Variants in RGS22 observed in about 807,000 individuals in gnomAD.
The protein encoded by RGS22 is regulator of G protein signaling 22.
RGS22 carries 148 observed loss-of-function variants against 172.9 expected under a neutral mutation model. That is an observed-to-expected ratio of 0.86 (90% CI 0.75 to 0.98). RGS22 has a LOEUF of 0.98. Among genes scored for constraint, RGS22 ranks in the 50% least tolerant of loss-of-function variants. The pLI, the probability that RGS22 is intolerant of heterozygous loss-of-function variation, is 0.00. For missense variants in RGS22, 1,347 were observed against 1,440.8 expected (o/e 0.93, Z 1.05); for synonymous variants, 458 against 480.2 (o/e 0.95, Z 0.60).
At chr8:100,069,766 C>T (rs1401125324) in intron 6 of RGS22, among the ~76,000 whole-genome samples, 3 of 152,176 alleles carry the variant, frequency 2.0e-5, no homozygotes, top group East Asian at 1.9e-4. Context: ...TCTTCAGACA[C>T]GAGGATAATA....
chr8:100,071,400 A>C lies in RGS22; in HGVS notation c.563T>G (p.Ile188Ser), dbSNP rs1311432062. 6.2e-7 allele frequency: 1 copy of C among 1,610,822 alleles called. No homozygotes were observed. The highest frequency in any genetic ancestry group is 2.2e-5 in the East Asian group (1 of 44,750). The change falls in exon 6 of 28, where the codon ATT becomes AGT. Residue 188 changes from isoleucine to serine, a missense_variant. By Grantham distance (142) the Ile-to-Ser change is moderately radical. Transcript: ENST00000360863. ...AAGTGATACATAGAACTTTTTCATA[A>C]TTACAAGATTATCTTCTTCAGTGGC... is the stretch of plus-strand genomic sequence containing the variant. ...PPATEEDNLV[I>S]MKKFYVSLGE...
At chr8:100,092,370 A>G (rs142609485) in intron 3 of RGS22, among the ~76,000 whole-genome samples, 109 of 152,264 alleles carry the variant, frequency 7.2e-4, no homozygotes, top group Middle Eastern at 6.8e-3. Flanking sequence ...TGTGGTTTGA[A>G]TGTGTCCCCC....
At chr8:100,102,634 T>C (rs1430868867) in intron 2 of RGS22, among the ~76,000 whole-genome samples, 1 of 152,156 alleles carries the variant, frequency 6.6e-6, no homozygotes, top group Non-Finnish European at 1.5e-5. Context: ...AAAGGCTTCA[T>C]GGAGGAGATT....
chr8:100,094,054 C>T (rs1421477184), intron 2 of RGS22, among the ~76,000 whole-genome samples: 5 of 152,124 alleles, frequency 3.3e-5, no homozygotes, highest in African/African-American at 4.8e-5. Flanking sequence ...CACTTTTGCA[C>T]GAGGAAAGTT....
chr8:100,075,736 T>C (rs555664132), intron 4 of RGS22, among the ~76,000 whole-genome samples: 14 of 152,344 alleles, frequency 9.2e-5, no homozygotes, highest in African/African-American at 2.9e-4. Flanking sequence ...CTCTTGAGTA[T>C]ATACCTAGAA....
chr8:100,046,716 A>G (rs1247962762), intron 11 of RGS22, among the ~76,000 whole-genome samples: 1 of 151,664 alleles, frequency 6.6e-6, no homozygotes, highest in African/African-American at 2.4e-5. Flanking sequence ...AACCCAGAGA[A>G]TAAGAATTCA....
At chr8:99,965,989 A>G (rs569224933) in intron 23 of RGS22, among the ~76,000 whole-genome samples, 7 of 152,326 alleles carry the variant, frequency 4.6e-5, no homozygotes, top group Admixed American at 4.6e-4. Context: ...GAATGATGAA[A>G]TTAATAAATT....
At chr8:99,994,934 C>T (rs939378697) in intron 20 of RGS22, among the ~76,000 whole-genome samples, 22 of 152,154 alleles carry the variant, frequency 1.4e-4, no homozygotes, top group Non-Finnish European at 2.8e-4. Flanking sequence ...ACCAATGGAA[C>T]AGAACAGAGG....
chr8:100,105,956 G>T lies in RGS22; in HGVS notation c.-35C>A, dbSNP rs1295686894. The T allele has an allele frequency of 7.0e-7, 1 of 1,424,204 alleles. No individual in the cohort carries two copies. Among genetic ancestry groups the T allele is most frequent in the Non-Finnish European group, 9.1e-7 (1 of 1,094,844 alleles). 88.2% of individuals were successfully genotyped at this position (1,424,204 alleles called of 1,614,324 possible). The stretch of plus-strand genomic sequence containing the variant: ...GCTGCCCGCGCCTGGAGCCCGCGCG[G>T]GCCGTCAGGGCCCTAGCGCGCGGGT... On this transcript the variant is annotated 5_prime_UTR_variant, in exon 1 of 28. Coordinates refer to ENST00000360863, the MANE Select transcript of RGS22 (RefSeq NM_015668.5).
chr8:100,054,976 T>A (rs1822095815), intron 9 of RGS22, among the ~76,000 whole-genome samples: 1 of 152,190 alleles, frequency 6.6e-6, no homozygotes, highest in African/African-American at 2.4e-5. Flanking sequence ...GAGTGTCAGC[T>A]CAGCCACAGT....
intron 6 of RGS22, among the ~76,000 whole-genome samples, chr8:100,067,968 T>A (rs1373703237): frequency 6.6e-6 from 1 of 152,054 alleles, no homozygotes; most frequent in Non-Finnish European, 1.5e-5. Flanking sequence ...TGGTATAACT[T>A]AGGGCTCAAA....
chr8:99,999,231 T>C (rs1814718502), intron 19 of RGS22, 31 bp downstream of exon 19: 2 of 1,596,446 alleles, frequency 1.3e-6, no homozygotes, highest in Admixed American at 1.7e-5. Flanking sequence ...TACTGACAAC[T>C]GCTATCAAAA....
chr8:99,988,199 AAAT>A (rs1192144807), intron 20 of RGS22, among the ~76,000 whole-genome samples: 4 of 151,632 alleles, frequency 2.6e-5, no homozygotes, highest in African/African-American at 9.7e-5. Context: ...TTATGATTTA[AAAT>A]AATGATAACA....
At chr8:99,975,058 A>G (rs1198337169) in intron 23 of RGS22, among the ~76,000 whole-genome samples, 1 of 152,030 alleles carries the variant, frequency 6.6e-6, no homozygotes, top group Non-Finnish European at 1.5e-5. Flanking sequence ...AGGCAGAAGA[A>G]TCGCTTGATC....
intron 14 of RGS22, among the ~76,000 whole-genome samples, chr8:100,037,800 TAACA>T (rs761919294): frequency 2.0e-5 from 3 of 152,106 alleles, no homozygotes; most frequent in Non-Finnish European, 4.4e-5. Context: ...GGTAAAGGAT[TAACA>T]AACAGAATAG....
intron 14 of RGS22, among the ~76,000 whole-genome samples, chr8:100,024,719 G>T (rs1275951630): frequency 2.6e-5 from 4 of 152,168 alleles, no homozygotes; most frequent in Non-Finnish European, 4.4e-5. Context: ...AGAGTATAGG[G>T]TCTGGAGTCA....
intron 20 of RGS22, among the ~76,000 whole-genome samples, chr8:99,993,847 A>G (rs1287560546): frequency 2.6e-5 from 4 of 152,216 alleles, no homozygotes; most frequent in African/African-American, 9.6e-5. Context: ...CCCGACAAAC[A>G]TCGATGCGAA....
intron 3 of RGS22, among the ~76,000 whole-genome samples, chr8:100,087,286 T>A (rs1186869653): frequency 1.3e-5 from 2 of 152,110 alleles, no homozygotes. Flanking sequence ...TCAAACCCAA[T>A]CCTCCACAAG....
At chr8:100,007,752 G>A (rs1032453808) in intron 15 of RGS22, among the ~76,000 whole-genome samples, 5 of 148,694 alleles carry the variant, frequency 3.4e-5, no homozygotes, top group African/African-American at 9.9e-5. Flanking sequence ...AAAGTCTTTC[G>A]TTAGACAACA....
Sources: gnomAD v4.1 joint callset for allele counts (sites outside exome capture counted in the v4.1 genomes callset) on GRCh38, gnomAD v4.1.1 for gene constraint, MANE v1.5 for transcripts, NCBI Gene and HGNC (gene_info 2026-07-23, HGNC 2026-07-21) for gene names.